DIAPH3: variants seen among roughly 807,000 people sequenced by gnomAD.
DIAPH3 encodes the protein protein diaphanous homolog 3.
In DIAPH3, 117 loss-of-function variants were observed where a neutral mutation model predicts 144.3. That is an observed-to-expected ratio of 0.81 (90% CI 0.70 to 0.95). The LOEUF (loss-of-function observed/expected upper bound fraction) is 0.95. DIAPH3 is among the 40% of genes least tolerant of loss of function. DIAPH3 has a pLI of 0.00. For missense variants in DIAPH3, 1,421 were observed against 1,412.7 expected, an observed-to-expected ratio of 1.01 and a Z score of -0.09; for synonymous variants, 519 against 488.9, an observed-to-expected ratio of 1.06 and a Z score of -0.81.
At chr13:59,819,892 C>G (rs966388942) in intron 24 of DIAPH3, among the ~76,000 whole-genome samples, 2 of 151,790 alleles carry the variant, frequency 1.3e-5, no homozygotes, top group Non-Finnish European at 2.9e-5. Context: ...TGTGACTATG[C>G]CTCAGTTTCC....
At chr13:59,892,437 T>G (rs1426139066) in intron 20 of DIAPH3, among the ~76,000 whole-genome samples, 1 of 151,960 alleles carries the variant, frequency 6.6e-6, no homozygotes, top group Non-Finnish European at 1.5e-5. Flanking sequence ...TCATTGGCAC[T>G]AAAAGAAATG....
chr13:59,709,462 GACA>G (rs2034609637), intron 27 of DIAPH3, among the ~76,000 whole-genome samples: 1 of 152,128 alleles, frequency 6.6e-6, no homozygotes, highest in South Asian at 2.1e-4. Context: ...CTCAAAAGAA[GACA>G]TTTATGCAGC....
At chr13:60,082,593 C>T (rs2057598266) in intron 4 of DIAPH3, among the ~76,000 whole-genome samples, 1 of 151,744 alleles carries the variant, frequency 6.6e-6, no homozygotes, top group African/African-American at 2.4e-5. Flanking sequence ...TATTCAAGAT[C>T]CTAAGCAAAA....
rs544141630 is a variant in DIAPH3 at position 59,897,670 on chromosome 13, C to A, written c.2367+14065G>T. ...GGCTGAGGCAAGAGAATCGTTTGAA[C>A]CCAGGGGGCGGAGGTTACAGTGAGC... is the stretch of plus-strand genomic sequence containing the variant. On this transcript the variant is annotated intron_variant, in intron 20 of 27. Coordinates refer to ENST00000400324, the MANE Select transcript of DIAPH3 (RefSeq NM_001042517.2). Among the ~76,000 whole-genome samples the A allele has an allele frequency of 2.6e-5, 4 of 151,692 alleles. No homozygotes were observed. In the East Asian group the frequency reaches 7.9e-4, roughly 30 times the overall value.
At chr13:60,054,949 T>C (rs965156122) in intron 4 of DIAPH3, among the ~76,000 whole-genome samples, 1 of 151,902 alleles carries the variant, frequency 6.6e-6, no homozygotes, top group Non-Finnish European at 1.5e-5. Context: ...GTAGAAACTA[T>C]GAAAGCTGAA....
chr13:59,682,098 C>T (rs1400173983), intron 27 of DIAPH3, among the ~76,000 whole-genome samples: 2 of 152,166 alleles, frequency 1.3e-5, no homozygotes. Flanking sequence ...CCATACTTAT[C>T]TTTGCTGTAT....
chr13:59,753,884 T>G (rs2037135011), intron 27 of DIAPH3, among the ~76,000 whole-genome samples: 1 of 152,216 alleles, frequency 6.6e-6, no homozygotes, highest in Non-Finnish European at 1.5e-5. Context: ...CCTTGACATT[T>G]ACTTATTTTA....
intron 25 of DIAPH3, among the ~76,000 whole-genome samples, chr13:59,810,567 G>A (rs1437863344): frequency 6.6e-6 from 1 of 152,070 alleles, no homozygotes; most frequent in Non-Finnish European, 1.5e-5. Context: ...GCATAACAGA[G>A]GACCAAATCA....
intron 4 of DIAPH3, among the ~76,000 whole-genome samples, chr13:60,086,592 A>T (rs1484968225): frequency 1.1e-5 from 1 of 87,882 alleles, no homozygotes; most frequent in East Asian, 2.2e-4. Flanking sequence ...CCTAATCGGA[A>T]ATAGAAGCAA....
chr13:59,713,319 A>G (rs2034852389), intron 27 of DIAPH3, among the ~76,000 whole-genome samples: 1 of 151,576 alleles, frequency 6.6e-6, no homozygotes, highest in South Asian at 2.1e-4. Context: ...CAGCCTCTGG[A>G]GTAGCTGGGA....
At chr13:59,909,084 T>A (rs1394816731) in intron 20 of DIAPH3, among the ~76,000 whole-genome samples, 2 of 152,194 alleles carry the variant, frequency 1.3e-5, no homozygotes, top group Non-Finnish European at 2.9e-5. Flanking sequence ...TCACTTCAAG[T>A]TAATTGCCCA....
chr13:59,992,085 A>G lies in DIAPH3; in HGVS notation c.1227T>C (p.Asp409=), dbSNP rs1220688455. 6 of 1,611,634 alleles carry G rather than the reference A, an allele frequency of 3.7e-6. No individual in the cohort carries two copies. The highest frequency in any genetic ancestry group is 4.2e-6 in the Non-Finnish European group (5 of 1,178,514). ...DLFELSHRLE[D]IRAELDEAYD... is the part of the protein sequence containing the mutation. ...AAGGATATTCAAGTTCAGCTCTAAT[A>G]TCTTCAAGGCGATGGGATAACTCAA... The change falls in exon 11 of 28, where the codon GAT becomes GAC. Residue 409 remains aspartate, a synonymous_variant. Coordinates refer to ENST00000400324, the MANE Select transcript of DIAPH3 (RefSeq NM_001042517.2).
intron 3 of DIAPH3, among the ~76,000 whole-genome samples, chr13:60,095,617 T>G (rs547997046): frequency 3.3e-5 from 5 of 151,834 alleles, no homozygotes; most frequent in Admixed American, 2.6e-4. Context: ...TTTTTGTGTT[T>G]TTTTTTTTTA....
At chr13:60,052,756 T>C (rs1251461575) in intron 4 of DIAPH3, among the ~76,000 whole-genome samples, 1 of 146,396 alleles carries the variant, frequency 6.8e-6, no homozygotes, top group East Asian at 2.0e-4. Context: ...AGGTCAGGAG[T>C]TCAAGACCAG....
rs7320019 is a variant in DIAPH3, at chr13:59,738,785, C to G, written c.3319+35404G>C. Among the ~76,000 whole-genome samples the G allele has an allele frequency of 1.2e-3, 190 of 152,334 alleles. 1 individual carries two copies. The highest frequency in any genetic ancestry group is 4.5e-3 in the African/African-American group (187 of 41,578). On this transcript the variant is annotated intron_variant, in intron 27 of 27. Transcript: ENST00000400324. ...TCTGCATCTGTTCCAGTAACAGTTA[C>G]AGACTGACTTGAAATGTATCTTTTC...
At position 59,703,791 on chromosome 13, in the gene DIAPH3, C is replaced by A. The variant is rs147184611; in HGVS notation, c.3320-36945G>T. ...ATGTCCTATCTCTTAGCATGCCTAG[C>A]AGTGTTTTATTGAAATCTGGATATT... On this transcript the variant is annotated intron_variant, in intron 27 of 27. Transcript: ENST00000400324. Among the ~76,000 whole-genome samples the A allele has an allele frequency of 1.3e-3, 192 of 152,102 alleles. 1 individual carries two copies. Among genetic ancestry groups the A allele is most frequent in the African/African-American group, 4.4e-3 (183 of 41,462 alleles).
intron 20 of DIAPH3, among the ~76,000 whole-genome samples, chr13:59,888,061 T>C (rs1372312348): frequency 3.3e-5 from 5 of 152,130 alleles, no homozygotes; most frequent in Non-Finnish European, 7.4e-5. Flanking sequence ...TTTCCATATG[T>C]CCTTTCTGCC....
At chr13:60,151,088 GAA>G (rs1200982594) in intron 1 of DIAPH3, among the ~76,000 whole-genome samples, 10 of 103,648 alleles carry the variant, frequency 9.6e-5, no homozygotes, top group Non-Finnish European at 1.0e-4. Context: ...TGTCCCCCAG[GAA>G]AAAAAAAAAA....
intron 24 of DIAPH3, among the ~76,000 whole-genome samples, chr13:59,825,606 G>A (rs1164490508): frequency 1.3e-5 from 2 of 152,086 alleles, no homozygotes; most frequent in African/African-American, 2.4e-5. Flanking sequence ...CTGAGGAATC[G>A]CCACACTGAC....
Sources: gnomAD v4.1 joint callset for allele counts (sites outside exome capture counted in the v4.1 genomes callset) on GRCh38, gnomAD v4.1.1 for gene constraint, MANE v1.5 for transcripts, NCBI Gene and HGNC (gene_info 2026-07-23, HGNC 2026-07-21) for gene names.